CACNA1D: variants seen among roughly 807,000 people sequenced by gnomAD.
CACNA1D encodes voltage-dependent L-type calcium channel subunit alpha-1D.
A neutral mutation model predicts 257.1 loss-of-function variants in CACNA1D; 55 were observed. The observed-to-expected ratio is 0.21, with a 90% CI of 0.17 to 0.27. CACNA1D has a LOEUF of 0.27. Among genes scored for constraint, CACNA1D ranks in the 10% least tolerant of loss-of-function variants. The probability of loss-of-function intolerance (pLI) is 1.00; values close to 1 mark genes in which losing one functional copy is unlikely to be tolerated. For synonymous variants in CACNA1D, 980 were observed against 1,014.9 expected, an observed-to-expected ratio of 0.97 and a Z score of 0.65; for missense variants, 1,876 against 2,784.0, an observed-to-expected ratio of 0.67 and a Z score of 7.34.
At chr3:53,690,891 C>G (rs1183490296) in intron 8 of CACNA1D, among the ~76,000 whole-genome samples, 1 of 152,178 alleles carries the variant, frequency 6.6e-6, no homozygotes, top group Admixed American at 6.5e-5. Flanking sequence ...CTGGTGCCTT[C>G]AAAAGTGTTC....
intron 19 of CACNA1D, among the ~76,000 whole-genome samples, chr3:53,734,033 T>G (rs2095032005): frequency 6.8e-6 from 1 of 146,060 alleles, no homozygotes; most frequent in Non-Finnish European, 1.5e-5. Context: ...TATATATATA[T>G]ATATATATAT....
chr3:53,668,197 A>G (rs573981358), intron 7 of CACNA1D, among the ~76,000 whole-genome samples: 22 of 152,236 alleles, frequency 1.4e-4, no homozygotes, highest in African/African-American at 2.4e-4. Flanking sequence ...TTTTCTCTCT[A>G]TTGACATGGT....
At chr3:53,501,850 A>G (rs2090616544) in intron 3 of CACNA1D, 130 bp downstream of exon 3, 1 of 674,490 alleles carries the variant, frequency 1.5e-6, no homozygotes, top group African/African-American at 1.8e-5. Flanking sequence ...GGAGCTTTGC[A>G]ACAGTGGTTT....
At chr3:53,597,927 T>C (rs1250153349) in intron 3 of CACNA1D, among the ~76,000 whole-genome samples, 4 of 152,254 alleles carry the variant, frequency 2.6e-5, no homozygotes, top group Non-Finnish European at 4.4e-5. Context: ...TACAAGTAAC[T>C]GTAAAAACTG....
At chr3:53,713,495 T>C (rs1171622491) in intron 9 of CACNA1D, among the ~76,000 whole-genome samples, 1 of 100,150 alleles carries the variant, frequency 1.0e-5, no homozygotes, top group Non-Finnish European at 2.0e-5. Context: ...TCATTTGCTC[T>C]GTGTGTATGT....
chr3:53,804,781 C>A (rs2095553671), intron 44 of CACNA1D, among the ~76,000 whole-genome samples: 1 of 152,196 alleles, frequency 6.6e-6, no homozygotes, highest in Non-Finnish European at 1.5e-5. Context: ...GCCAGCACAT[C>A]CCTCAGCACA....
Position 53,720,115 on chromosome 3 carries a change from C to T in CACNA1D, c.1505+334C>T, listed in dbSNP as rs556725710. Among the ~76,000 whole-genome samples the T allele has an allele frequency of 7.9e-5, 12 of 152,308 alleles. 1 individual carries two copies. Among genetic ancestry groups the T allele is most frequent in the African/African-American group, 2.9e-4 (12 of 41,556 alleles). On this transcript the variant is annotated intron_variant, in intron 11 of 47. Transcript: ENST00000350061. Reference sequence around the variant, plus strand: ...TCCATAGAAAGGGAGTTCAAGAAGTCTTCCAAGGTACTAGCATTTCTTGAT... The same window carrying T: ...TCCATAGAAAGGGAGTTCAAGAAGTTTTCCAAGGTACTAGCATTTCTTGAT...
chr3:53,786,693 G>T, intron 39 of CACNA1D, 129 bp from the exon 40 acceptor site: 1 of 796,326 alleles, frequency 1.3e-6, no homozygotes, highest in South Asian at 1.4e-5. Flanking sequence ...CTGAGACCTC[G>T]GTGCCTTCTG....
At chr3:53,745,946 G>T in intron 25 of CACNA1D, 71 bp downstream of exon 25, 1 of 1,217,986 alleles carries the variant, frequency 8.2e-7, no homozygotes, top group South Asian at 1.2e-5. Context: ...CACACATGTT[G>T]GCACGTCAGA....
intron 3 of CACNA1D, among the ~76,000 whole-genome samples, chr3:53,527,464 CTTAGT>C (rs1378459600): frequency 6.6e-6 from 1 of 152,128 alleles, no homozygotes; most frequent in Non-Finnish European, 1.5e-5. Context: ...AGGAAATGAC[CTTAGT>C]TTGTGTTGCA....
Position 53,793,787 on chromosome 3 carries a change from C to T in CACNA1D, c.4924-6462C>T, listed in dbSNP as rs2095495426. The stretch of plus-strand genomic sequence containing the variant: ...AGAAGGCTTCCTGAAACTTGATTTG[C>T]AGTCAAACTGCAGAGACACCGCTGT... On this transcript the variant is annotated intron_variant, in intron 40 of 47. Coordinates refer to ENST00000350061, the MANE Select transcript of CACNA1D (RefSeq NM_001128840.3). This position sits in a 1 kb window ranked among gnomAD's most constrained non-coding sequence, Gnocchi z 4.1. Among the ~76,000 whole-genome samples, 1 of 152,214 alleles carries T rather than the reference C, an allele frequency of 6.6e-6. No individual in the cohort carries two copies. The highest frequency in any genetic ancestry group is 1.5e-5 in the Non-Finnish European group (1 of 68,046).
chr3:53,689,807 T>C (rs1023124327), intron 8 of CACNA1D, among the ~76,000 whole-genome samples: 2 of 152,140 alleles, frequency 1.3e-5, no homozygotes, highest in Non-Finnish European at 2.9e-5. Flanking sequence ...TACAGGCATA[T>C]GCCACCATGC....
chr3:53,665,908 G>GAA, intron 6 of CACNA1D, 96 bp downstream of exon 6: 1 of 955,440 alleles, frequency 1.0e-6, no homozygotes, highest in Non-Finnish European at 1.6e-6. Context: ...AACAAAATAG[G>GAA]AAAAAAAATG....
chr3:53,640,848 A>C (rs1487480959), intron 3 of CACNA1D, among the ~76,000 whole-genome samples: 1 of 152,168 alleles, frequency 6.6e-6, no homozygotes, highest in East Asian at 1.9e-4. Flanking sequence ...TCTGATGACC[A>C]GTGGGAATGT....
At chr3:53,802,440 G>A (rs554074981) in intron 43 of CACNA1D, among the ~76,000 whole-genome samples, 16 of 152,340 alleles carry the variant, frequency 1.1e-4, no homozygotes, top group Admixed American at 5.2e-4. Context: ...CAGGCCTCGC[G>A]ATGGCACTAG....
chr3:53,578,872 G>C (rs1056909803), intron 3 of CACNA1D, among the ~76,000 whole-genome samples: 1 of 152,178 alleles, frequency 6.6e-6, no homozygotes, highest in African/African-American at 2.4e-5. Flanking sequence ...AGCATGCTTG[G>C]GGGATGATGT....
chr3:53,752,687 C>T (rs948745991), intron 28 of CACNA1D, among the ~76,000 whole-genome samples: 3 of 152,196 alleles, frequency 2.0e-5, no homozygotes, highest in Non-Finnish European at 2.9e-5. Context: ...CGTGAGCCAC[C>T]GCGCCCGGCA....
intron 9 of CACNA1D, among the ~76,000 whole-genome samples, chr3:53,707,847 A>T (rs1290872623): frequency 3.3e-5 from 5 of 152,242 alleles, no homozygotes; most frequent in Admixed American, 2.6e-4. Context: ...TCATTCTAAA[A>T]TTCTGGCCAG....
rs3774513 is a variant in CACNA1D at position 53,648,640 on chromosome 3, G to A, written c.484-2139G>A. 7.0e-3 allele frequency among the ~76,000 whole-genome samples: 1,070 copies of A among 152,124 alleles called. 27 individuals are homozygous for A. In the East Asian group the frequency reaches 0.086, roughly 12 times the overall value. ...ACAGTAAGCAAGGAAGGGCATCCTCGTAGCTCTGAGCGTGGCATTTCATGT... is the reference window on the plus strand; with the variant it reads ...ACAGTAAGCAAGGAAGGGCATCCTCATAGCTCTGAGCGTGGCATTTCATGT... On this transcript the variant is annotated intron_variant, in intron 3 of 47. Transcript: ENST00000350061.
Sources: allele counts gnomAD v4.1 joint callset (sites outside exome capture counted in the v4.1 genomes callset), GRCh38; gene constraint gnomAD v4.1.1; non-coding constraint Gnocchi (gnomAD v3.1); transcripts MANE v1.5; gene names NCBI Gene and HGNC (gene_info 2026-07-23, HGNC 2026-07-21).